ZC3H3: variants seen among roughly 807,000 people sequenced by gnomAD.
ZC3H3 encodes the protein zinc finger CCCH-type containing 3, also known as zinc finger CCCH domain-containing protein 3.
In ZC3H3, 36 loss-of-function variants were observed where a neutral mutation model predicts 77.3. That is an observed-to-expected ratio of 0.47 (90% CI 0.36 to 0.61). The LOEUF (loss-of-function observed/expected upper bound fraction) is 0.61. ZC3H3 is among the 20% of genes least tolerant of loss of function. ZC3H3 has a pLI of 0.00. For missense variants in ZC3H3, 1,331 were observed against 1,312.2 expected, an observed-to-expected ratio of 1.01 and a Z score of -0.22; for synonymous variants, 626 against 555.2, an observed-to-expected ratio of 1.13 and a Z score of -1.79.
At chr8:143,503,411 C>T (rs965495804) in intron 4 of ZC3H3, among the ~76,000 whole-genome samples, 1 of 152,192 alleles carries the variant, frequency 6.6e-6, no homozygotes, top group Non-Finnish European at 1.5e-5. Context: ...AAGCTACTGC[C>T]CAGCAGCCTC....
chr8:143,441,827 G>GCTGC, intron 9 of ZC3H3, among the ~76,000 whole-genome samples: 1 of 152,300 alleles, frequency 6.6e-6, no homozygotes, highest in East Asian at 1.9e-4. Context: ...CTGCAGCCCA[G>GCTGC]CTGCCTGCCT....
intron 2 of ZC3H3, 102 bp downstream of exon 2, chr8:143,537,901 C>A: frequency 5.8e-6 from 7 of 1,197,176 alleles, no homozygotes; most frequent in Non-Finnish European, 8.2e-6. Context: ...AATGTGAACG[C>A]AACTGCAGGC....
chr8:143,490,202 G>A (rs1821163910), intron 4 of ZC3H3, among the ~76,000 whole-genome samples: 1 of 152,202 alleles, frequency 6.6e-6, no homozygotes, highest in African/African-American at 2.4e-5. Context: ...TCAGCAGCTG[G>A]GAGGCCCCCC....
chr8:143,524,610 C>T (rs58218129), intron 3 of ZC3H3, among the ~76,000 whole-genome samples: 171 of 152,374 alleles, frequency 1.1e-3, no homozygotes, highest in African/African-American at 3.8e-3. Context: ...AGCAGCTGGC[C>T]CCTGGCCCTT....
chr8:143,467,549 C>T (rs1052610792), intron 8 of ZC3H3, among the ~76,000 whole-genome samples: 1 of 152,250 alleles, frequency 6.6e-6, no homozygotes, highest in Non-Finnish European at 1.5e-5. Context: ...CTGCCCAACA[C>T]CGCCTCCCTC....
At chr8:143,522,196 G>C (rs895242219) in intron 3 of ZC3H3, among the ~76,000 whole-genome samples, 1 of 152,242 alleles carries the variant, frequency 6.6e-6, no homozygotes, top group Non-Finnish European at 1.5e-5. Flanking sequence ...CAAACGTCAT[G>C]CTGCTCCTCA....
intron 5 of ZC3H3, among the ~76,000 whole-genome samples, chr8:143,473,851 T>C (rs1357976742): frequency 6.6e-6 from 1 of 152,210 alleles, no homozygotes; most frequent in African/African-American, 2.4e-5. Context: ...TGGGACCTGC[T>C]GTGCCAGAGA....
chr8:143,507,323 A>T (rs941122728), intron 4 of ZC3H3, among the ~76,000 whole-genome samples: 1 of 152,212 alleles, frequency 6.6e-6, no homozygotes, highest in Non-Finnish European at 1.5e-5. Context: ...CGCCTTGACA[A>T]TCATACATTG....
chr8:143,537,299 C>A (rs184488702), intron 2 of ZC3H3, among the ~76,000 whole-genome samples: 2 of 152,214 alleles, frequency 1.3e-5, no homozygotes, highest in Non-Finnish European at 2.9e-5. Context: ...TAACACCAAT[C>A]TGCTCGCCCT....
chr8:143,513,641 C>A (rs566635836), intron 3 of ZC3H3, among the ~76,000 whole-genome samples: 15 of 152,326 alleles, frequency 9.8e-5, no homozygotes, highest in African/African-American at 2.6e-4. Context: ...GACCCCCGGG[C>A]CTGCTTGGGG....
chr8:143,461,253 GT>G (rs1820254514), intron 9 of ZC3H3, among the ~76,000 whole-genome samples: 1 of 152,172 alleles, frequency 6.6e-6, no homozygotes, highest in African/African-American at 2.4e-5. Flanking sequence ...AAGCACCCAG[GT>G]GCTCTGCGCA....
chr8:143,502,966 T>C (rs879939869), intron 4 of ZC3H3, among the ~76,000 whole-genome samples: 1 of 152,088 alleles, frequency 6.6e-6, no homozygotes, highest in Admixed American at 6.5e-5. Flanking sequence ...ATGGCCGAGG[T>C]ATGCGTAAGG....
intron 3 of ZC3H3, among the ~76,000 whole-genome samples, chr8:143,513,262 C>A (rs1351099099): frequency 6.6e-6 from 1 of 152,142 alleles, no homozygotes; most frequent in Non-Finnish European, 1.5e-5. Context: ...AGGCCCCTCA[C>A]ACCCCCACCC....
intron 4 of ZC3H3, among the ~76,000 whole-genome samples, chr8:143,488,832 G>A (rs1215402662): frequency 6.6e-6 from 1 of 152,250 alleles, no homozygotes; most frequent in Non-Finnish European, 1.5e-5. Flanking sequence ...AACACTTGGA[G>A]TTCCATGAAT....
chr8:143,524,500 C>T (rs940137141), intron 3 of ZC3H3, among the ~76,000 whole-genome samples: 1 of 152,238 alleles, frequency 6.6e-6, no homozygotes, highest in Non-Finnish European at 1.5e-5. Flanking sequence ...TCAAAGAAAC[C>T]CCAGCTGGGC....
intron 3 of ZC3H3, among the ~76,000 whole-genome samples, chr8:143,508,435 G>C (rs1182563756): frequency 6.6e-6 from 1 of 152,200 alleles, no homozygotes; most frequent in African/African-American, 2.4e-5. Flanking sequence ...ACAGACTTAT[G>C]TACTTAGTCA....
At position 143,446,210 on chromosome 8, in the gene ZC3H3, A is replaced by C. The variant is rs140782569; in HGVS notation, c.2308-5090T>G. 6.7e-3 allele frequency among the ~76,000 whole-genome samples: 1,021 copies of C among 152,356 alleles called. 4 individuals carry two copies. The highest frequency in any genetic ancestry group is 0.014 in the Admixed American group (216 of 15,294). ...GGATGAAAGTCTCAATGTGAAAGGT[A>C]AACACAACAAAATATTTAGAGGCAA... On this transcript the variant is annotated intron_variant, in intron 9 of 11. Coordinates refer to ENST00000262577, the MANE Select transcript of ZC3H3 (RefSeq NM_015117.3).
At chr8:143,532,297 C>T (rs918179760) in intron 3 of ZC3H3, among the ~76,000 whole-genome samples, 7 of 152,272 alleles carry the variant, frequency 4.6e-5, no homozygotes, top group African/African-American at 1.4e-4. Context: ...CACTGGGCCG[C>T]ACGGCAAGGC....
chr8:143,539,142 G>C lies in ZC3H3; in HGVS notation c.225C>G (p.Ser75=). The change falls in exon 2 of 12, where the codon TCC becomes TCG. Residue 75 remains serine, a synonymous_variant. Coordinates refer to ENST00000262577, the MANE Select transcript of ZC3H3 (RefSeq NM_015117.3). ...AGGGTCCCGGGGGCCGATTCACGAGGGAGTATTTCTTGCGCCACGAAGGCC... is the reference window on the plus strand; with the variant it reads ...AGGGTCCCGGGGGCCGATTCACGAGCGAGTATTTCTTGCGCCACGAAGGCC... ...HHGPSWRKKY[S]LVNRPPGPSD... 2 of 1,612,988 alleles carry C rather than the reference G, an allele frequency of 1.2e-6. No homozygotes were observed. The highest frequency in any genetic ancestry group is 1.7e-6 in the Non-Finnish European group (2 of 1,180,024).
Sources: gnomAD v4.1 joint callset for allele counts (sites outside exome capture counted in the v4.1 genomes callset) on GRCh38, gnomAD v4.1.1 for gene constraint, MANE v1.5 for transcripts, NCBI Gene and HGNC (gene_info 2026-07-23, HGNC 2026-07-21) for gene names.